The following LHPP variants were observed in gnomAD, a reference collection of about 807,000 sequenced individuals.
The protein encoded by LHPP is phospholysine phosphohistidine inorganic pyrophosphate phosphatase, also known as hLHPP.
In LHPP, 24 loss-of-function variants were observed where a neutral mutation model predicts 30.3. The observed-to-expected ratio is 0.79, with a 90% CI of 0.57 to 1.11. The LOEUF is 1.11. LHPP is among the 50% of genes most tolerant of loss of function. LHPP has a pLI of 0.00. For synonymous variants in LHPP, 150 were observed against 157.1 expected (o/e 0.95, Z 0.34); for missense variants, 356 against 367.2 (o/e 0.97, Z 0.25).
At chr10:124,494,417 G>A (rs978368966) in intron 3 of LHPP, among the ~76,000 whole-genome samples, 1 of 152,186 alleles carries the variant, frequency 6.6e-6, no homozygotes, top group African/African-American at 2.4e-5. Context: ...TTGATTTCAG[G>A]TTTTCTTTTG....
intron 5 of LHPP, among the ~76,000 whole-genome samples, chr10:124,501,602 A>T (rs1377296004): frequency 1.9e-5 from 2 of 104,002 alleles, no homozygotes; most frequent in African/African-American, 5.1e-5. Flanking sequence ...ACTCTGTCTT[A>T]AAAAAAAAAA....
chr10:124,587,207 G>T (rs1948815969), intron 6 of LHPP, among the ~76,000 whole-genome samples: 1 of 151,528 alleles, frequency 6.6e-6, no homozygotes, highest in African/African-American at 2.4e-5. Context: ...AATTATTTTT[G>T]TATTTTCAGT....
intron 6 of LHPP, among the ~76,000 whole-genome samples, chr10:124,567,981 C>T (rs1291884435): frequency 6.6e-6 from 1 of 152,188 alleles, no homozygotes; most frequent in Non-Finnish European, 1.5e-5. Flanking sequence ...GGCGCGATCT[C>T]GGCTCACTGC....
At chr10:124,529,811 ACG>A (rs1042058297) in intron 6 of LHPP, among the ~76,000 whole-genome samples, 26 of 97,166 alleles carry the variant, frequency 2.7e-4, no homozygotes, top group Middle Eastern at 5.5e-3. Context: ...ACACACACAC[ACG>A]CACACACACA....
chr10:124,546,653 G>A (rs112175838), intron 6 of LHPP, among the ~76,000 whole-genome samples: 17,242 of 151,844 alleles, frequency 0.11, 1,249 homozygotes, highest in Non-Finnish European at 0.16. Flanking sequence ...CTCATGATCC[G>A]CCCGCCTCAG....
intron 6 of LHPP, among the ~76,000 whole-genome samples, chr10:124,598,594 C>T (rs537936281): frequency 2.4e-4 from 36 of 152,138 alleles, no homozygotes; most frequent in Non-Finnish European, 5.2e-4. Context: ...CCAGGGCCAG[C>T]ACGAGGAATT....
At chr10:124,505,454 C>G (rs1954036334) in intron 5 of LHPP, among the ~76,000 whole-genome samples, 1 of 152,142 alleles carries the variant, frequency 6.6e-6, no homozygotes, top group Non-Finnish European at 1.5e-5. Context: ...CTGCTTCTTG[C>G]TGCTGAGTTT....
At chr10:124,595,552 C>G (rs924351649) in intron 6 of LHPP, among the ~76,000 whole-genome samples, 4 of 152,234 alleles carry the variant, frequency 2.6e-5, no homozygotes, top group African/African-American at 9.6e-5. Flanking sequence ...TGTTAACCTA[C>G]AGGGATTCCC....
chr10:124,605,858 G>A (rs1949085199), intron 6 of LHPP, among the ~76,000 whole-genome samples: 1 of 151,922 alleles, frequency 6.6e-6, no homozygotes, highest in Admixed American at 6.6e-5. Context: ...GGAGGGGGAA[G>A]GGGAAGGGAA....
chr10:124,506,263 A>ACCCCCCCCCCCCCC (rs539116106), intron 5 of LHPP, among the ~76,000 whole-genome samples: 4 of 86,330 alleles, frequency 4.6e-5, no homozygotes, highest in African/African-American at 1.4e-4. Context: ...AAAACAACAA[A>ACCCCCCCCCCCCCC]CCCCCCCCCC....
At chr10:124,553,460 T>C (rs1948220619) in intron 6 of LHPP, among the ~76,000 whole-genome samples, 1 of 136,548 alleles carries the variant, frequency 7.3e-6, no homozygotes, top group African/African-American at 2.7e-5. Context: ...TTTTTTTTTT[T>C]TTTTTTTTTT....
chr10:124,484,039 G>A, intron 1 of LHPP, 100 bp from the exon 2 acceptor site: 1 of 1,150,178 alleles, frequency 8.7e-7, no homozygotes, highest in South Asian at 1.3e-5. Context: ...AGTCTGCTCT[G>A]GGCTTTGCTG....
At chr10:124,587,758 A>ACC (rs1948824320) in intron 6 of LHPP, among the ~76,000 whole-genome samples, 1 of 148,920 alleles carries the variant, frequency 6.7e-6, no homozygotes, top group Non-Finnish European at 1.5e-5. Flanking sequence ...AAAAAAAAAA[A>ACC]AAAAAAACCA....
Position 124,523,830 on chromosome 10 carries a change from G to A in LHPP, c.716+6559G>A, listed in dbSNP as rs1954667501. Among the ~76,000 whole-genome samples, 1 of 152,166 alleles carries A rather than the reference G, an allele frequency of 6.6e-6. No homozygotes were observed. Among genetic ancestry groups the A allele is most frequent in the African/African-American group, 2.4e-5 (1 of 41,438 alleles). Reference sequence around the variant, plus strand: ...TCGGGTACTCATCCTGGCAGTGCAGGGAAGGGCACCGGGAACAGGCCTGTG... The same window carrying A: ...TCGGGTACTCATCCTGGCAGTGCAGAGAAGGGCACCGGGAACAGGCCTGTG... On this transcript the variant is annotated intron_variant, in intron 6 of 6. Coordinates refer to ENST00000368842, the MANE Select transcript of LHPP (RefSeq NM_022126.4). The surrounding 1 kb of genome is among the most constrained non-coding windows in gnomAD (Gnocchi z 4.2).
intron 4 of LHPP, 60 bp from the exon 5 acceptor site, chr10:124,497,976 C>T: frequency 7.5e-7 from 1 of 1,331,580 alleles, no homozygotes; most frequent in Non-Finnish European, 1.1e-6. Context: ...GTTTCCGTGG[C>T]TGGGCATACA....
intron 6 of LHPP, among the ~76,000 whole-genome samples, chr10:124,602,133 C>T (rs553508079): frequency 6.6e-6 from 1 of 152,218 alleles, no homozygotes; most frequent in African/African-American, 2.4e-5. Context: ...CTATGCCCCA[C>T]GTGCCCAGGG....
chr10:124,476,700 G>C (rs1452458689), intron 1 of LHPP, among the ~76,000 whole-genome samples: 8 of 152,062 alleles, frequency 5.3e-5, no homozygotes, highest in Admixed American at 5.2e-4. Context: ...GTGAATAACT[G>C]TATTTTTCTA....
chr10:124,613,104 G>C (rs977641379), intron 6 of LHPP, among the ~76,000 whole-genome samples, 160 bp from the exon 7 acceptor site: 1 of 152,148 alleles, frequency 6.6e-6, no homozygotes, highest in South Asian at 2.1e-4. Context: ...TAGGGCAGGG[G>C]GAGGAGGGGG....
chr10:124,578,720 C>T (rs1948703185), intron 6 of LHPP, among the ~76,000 whole-genome samples: 1 of 152,224 alleles, frequency 6.6e-6, no homozygotes. Flanking sequence ...CGCCACGCGT[C>T]AGAAGCTAGC....
Sources: gnomAD v4.1 joint callset for allele counts (sites outside exome capture counted in the v4.1 genomes callset) on GRCh38, gnomAD v4.1.1 for gene constraint, Gnocchi (gnomAD v3.1) non-coding constraint, MANE v1.5 for transcripts, NCBI Gene and HGNC (gene_info 2026-07-23, HGNC 2026-07-21) for gene names.